HTR1F: variants seen among roughly 807,000 people sequenced by gnomAD.
HTR1F encodes the protein 5-hydroxytryptamine receptor 1F.
A neutral mutation model predicts 24.0 loss-of-function variants in HTR1F; 17 were observed. That is an observed-to-expected ratio of 0.71 (90% CI 0.48 to 1.06). The LOEUF (loss-of-function observed/expected upper bound fraction) is 1.06, where lower values mean the gene tolerates loss of function less well. Among genes scored for constraint, HTR1F ranks in the 50% least tolerant of loss-of-function variants. HTR1F has a pLI of 0.00. For synonymous variants in HTR1F, 186 were observed against 156.8 expected (o/e 1.19, Z -1.39); for missense variants, 391 against 427.8 (o/e 0.91, Z 0.76).
Position 87,990,949 on chromosome 3 carries a change from T to C in HTR1F, c.200T>C (p.Val67Ala). Residue 67 changes from valine (V) to alanine (A), a missense_variant, in exon 3 of 3, where the codon GTC becomes GCC. Coordinates refer to ENST00000319595, the MANE Select transcript of HTR1F (RefSeq NM_001322209.2). ...PANYLICSLAVTDFLVAVLVM... is the reference protein window; with the variant it reads ...PANYLICSLAATDFLVAVLVM... ...AATTATTTAATTTGTTCCCTTGCAG[T>C]CACAGATTTTCTTGTGGCTGTCCTG... is the stretch of plus-strand genomic sequence containing the variant. The C allele has an allele frequency of 6.2e-7, 1 of 1,614,110 alleles. No homozygotes were observed. Among genetic ancestry groups the C allele is most frequent in the Non-Finnish European group, 8.5e-7 (1 of 1,179,960 alleles).
chr3:87,936,147 G>T (rs1704410775), intron 2 of HTR1F, among the ~76,000 whole-genome samples: 2 of 152,120 alleles, frequency 1.3e-5, no homozygotes, highest in Non-Finnish European at 2.9e-5. Context: ...ACTGCACCTA[G>T]CCTATTTTTA....
chr3:87,867,683 T>C (rs1378089951), intron 2 of HTR1F, among the ~76,000 whole-genome samples: 1 of 152,174 alleles, frequency 6.6e-6, no homozygotes, highest in African/African-American at 2.4e-5. Flanking sequence ...TCTGTGCAAC[T>C]TGGAGTTTCT....
intron 2 of HTR1F, among the ~76,000 whole-genome samples, chr3:87,951,928 G>A (rs1180040264): frequency 6.6e-6 from 1 of 151,996 alleles, no homozygotes; most frequent in Non-Finnish European, 1.5e-5. Flanking sequence ...GCGGCATGTA[G>A]TATTTTTGGA....
At chr3:87,964,592 G>A (rs985635405) in intron 2 of HTR1F, among the ~76,000 whole-genome samples, 1 of 152,098 alleles carries the variant, frequency 6.6e-6, no homozygotes, top group Non-Finnish European at 1.5e-5. Flanking sequence ...ACTGCTGTAT[G>A]AAGCCAGGCA....
chr3:87,820,811 T>C (rs190696200), intron 1 of HTR1F, among the ~76,000 whole-genome samples: 1 of 152,298 alleles, frequency 6.6e-6, no homozygotes, highest in African/African-American at 2.4e-5. Flanking sequence ...CAGATTCATG[T>C]AACAATGGCA....
chr3:87,974,532 G>GA (rs968003090), intron 2 of HTR1F, among the ~76,000 whole-genome samples: 5 of 140,782 alleles, frequency 3.6e-5, no homozygotes, highest in Middle Eastern at 3.3e-3. Flanking sequence ...ACTAGTATAA[G>GA]AAAAAAAAGG....
chr3:87,927,123 C>T lies in HTR1F; in HGVS notation c.-42-63585C>T, dbSNP rs144597058. On this transcript the variant is annotated intron_variant, in intron 2 of 2. Transcript: ENST00000319595. ...CCCACACTCAGAGATTCCGACCTGT[C>T]AAACAAAAAACTAGTACCATGGTTA... is the stretch of plus-strand genomic sequence containing the variant. 3.8e-4 allele frequency among the ~76,000 whole-genome samples: 58 copies of T among 152,162 alleles called. No homozygotes were observed. In the East Asian group the frequency reaches 4.4e-3, roughly 12 times the overall value.
intron 2 of HTR1F, among the ~76,000 whole-genome samples, chr3:87,906,232 A>C (rs1703664731): frequency 6.6e-6 from 1 of 152,120 alleles, no homozygotes; most frequent in Admixed American, 6.6e-5. Context: ...ATTGAAGTTT[A>C]TTATGTATAA....
chr3:87,825,594 A>T (rs1704446475), intron 2 of HTR1F, among the ~76,000 whole-genome samples: 1 of 152,118 alleles, frequency 6.6e-6, no homozygotes. Flanking sequence ...AATTCATCAT[A>T]CAAAATATTT....
At chr3:87,959,949 A>T (rs9879360) in intron 2 of HTR1F, among the ~76,000 whole-genome samples, 30,690 of 151,880 alleles carry the variant, frequency 0.2, 3,753 homozygotes, top group African/African-American at 0.35. Flanking sequence ...CCTTAAATTC[A>T]GCAGCTATTC....
intron 2 of HTR1F, among the ~76,000 whole-genome samples, chr3:87,872,507 A>G (rs190336851): frequency 5.8e-4 from 89 of 152,178 alleles, no homozygotes; most frequent in African/African-American, 2.0e-3. Flanking sequence ...GAAAAGATCA[A>G]TATATTTGGC....
intron 2 of HTR1F, among the ~76,000 whole-genome samples, chr3:87,914,273 G>T (rs749380828): frequency 3.3e-5 from 5 of 152,120 alleles, no homozygotes; most frequent in Admixed American, 3.3e-4. Flanking sequence ...CAGAGGCACT[G>T]GGAAAAGGCC....
intron 1 of HTR1F, among the ~76,000 whole-genome samples, chr3:87,815,881 A>G (rs2107110214): frequency 6.6e-6 from 1 of 152,218 alleles, no homozygotes; most frequent in South Asian, 2.1e-4. Flanking sequence ...GCAGCATATC[A>G]GTGAAGGGGC....
chr3:87,842,327 A>AT (rs937609214), intron 2 of HTR1F, among the ~76,000 whole-genome samples: 39 of 151,056 alleles, frequency 2.6e-4, no homozygotes, highest in African/African-American at 7.3e-4. Flanking sequence ...CGCCCGGCTA[A>AT]TTTTTTTTGT....
intron 2 of HTR1F, among the ~76,000 whole-genome samples, chr3:87,879,408 AC>A (rs1158069578): frequency 6.6e-6 from 1 of 152,182 alleles, no homozygotes; most frequent in Non-Finnish European, 1.5e-5. Flanking sequence ...CAGGTTATTA[AC>A]CCATTACCCT....
chr3:87,793,603 G>A (rs1226560150), intron 1 of HTR1F: 2 of 152,110 alleles, frequency 1.3e-5, no homozygotes, highest in Admixed American at 6.5e-5. Context: ...GCCCCTAAAG[G>A]GGCTGTGAGA....
At chr3:87,803,552 A>T (rs1704027647) in intron 1 of HTR1F, among the ~76,000 whole-genome samples, 1 of 152,154 alleles carries the variant, frequency 6.6e-6, no homozygotes, top group African/African-American at 2.4e-5. Context: ...CAGAAAGGTT[A>T]CAGTAAAACC....
chr3:87,976,188 AAGAT>A (rs1457133735), intron 2 of HTR1F, among the ~76,000 whole-genome samples: 21 of 152,370 alleles, frequency 1.4e-4, no homozygotes, highest in East Asian at 3.9e-4. Flanking sequence ...TTACAAAAGA[AAGAT>A]AGAATACAAT....
chr3:87,839,345 T>C (rs536745096), intron 2 of HTR1F, among the ~76,000 whole-genome samples: 2 of 152,298 alleles, frequency 1.3e-5, no homozygotes, highest in South Asian at 4.1e-4. Context: ...TCTCAGTTTG[T>C]ATTCTTGGCA....
Sources: gnomAD v4.1 joint callset for allele counts (sites outside exome capture counted in the v4.1 genomes callset) on GRCh38, gnomAD v4.1.1 for gene constraint, MANE v1.5 for transcripts, NCBI Gene and HGNC (gene_info 2026-07-23, HGNC 2026-07-21) for gene names.